The following TCTN2 variants were observed in gnomAD, a reference collection of about 807,000 sequenced individuals.
TCTN2 encodes tectonic-2.
Under a neutral mutation model 83.4 loss-of-function variants are expected in TCTN2, and 66 were observed. The observed-to-expected ratio is 0.79, with a 90% CI of 0.65 to 0.97. The LOEUF is 0.97. Among genes scored for constraint, TCTN2 ranks in the 50% least tolerant of loss-of-function variants. The pLI is 0.00. For missense variants in TCTN2, 794 were observed against 858.1 expected (o/e 0.93, Z 0.93); for synonymous variants, 301 against 326.7 (o/e 0.92, Z 0.85).
intron 10 of TCTN2, 91 bp downstream of exon 10, chr12:123,695,067 T>C (rs1473682852): frequency 6.5e-7 from 1 of 1,543,954 alleles, no homozygotes. Flanking sequence ...CCCATAAAAC[T>C]AAGTTGGACT....
rs752424820 is a variant in TCTN2, at chr12:123,671,538, C to T, written c.114C>T (p.Gly38=). Residue 38 remains glycine (G), a synonymous_variant, in exon 2 of 18, where the codon GGC becomes GGT. Coordinates refer to ENST00000303372, the MANE Select transcript of TCTN2 (RefSeq NM_024809.5). ...TCCCTCCTTTTATCCGAATGTCCGG[C>T]CCTGCGGTCAGCGCGTCCCTGGTCG... is the stretch of plus-strand genomic sequence containing the variant. ...AFIPPFIRMS[G]PAVSASLVGD... 16 of 1,614,028 alleles carry T rather than the reference C, an allele frequency of 9.9e-6. No homozygotes were observed. Among genetic ancestry groups the T allele is most frequent in the South Asian group, 9.9e-5 (9 of 91,084 alleles).
intron 14 of TCTN2, among the ~76,000 whole-genome samples, chr12:123,700,476 A>T (rs572512301): frequency 2.0e-5 from 3 of 152,288 alleles, no homozygotes; most frequent in South Asian, 4.1e-4. Context: ...CTTGTCACCC[A>T]TGCTGGAGTG....
intron 5 of TCTN2, among the ~76,000 whole-genome samples, chr12:123,682,879 T>C (rs1241299796): frequency 7.7e-6 from 1 of 130,198 alleles, no homozygotes; most frequent in Non-Finnish European, 1.7e-5. Context: ...TTGCTTGTAT[T>C]TCTGGTGTCA....
At chr12:123,693,877 G>T (rs564413388) in intron 9 of TCTN2, among the ~76,000 whole-genome samples, 2 of 151,716 alleles carry the variant, frequency 1.3e-5, no homozygotes, top group African/African-American at 4.8e-5. Flanking sequence ...GAGTGCAATA[G>T]GGTGATCTCA....
At position 123,690,616 on chromosome 12, in the gene TCTN2, A is replaced by G; in HGVS notation, c.975A>G (p.Glu325=). ...ATGTTAAATGCGTTACTAATTTGGA[A>G]CTATACCAAGAACGAGATGGTATTA... ...NFDVKCVTNL[E]LYQERDGIIN... The change falls in exon 8 of 18, where the codon GAA becomes GAG. Residue 325 remains glutamate, a synonymous_variant. Transcript: ENST00000303372. The G allele has an allele frequency of 6.2e-7, 1 of 1,614,218 alleles. No individual in the cohort carries two copies. Among genetic ancestry groups the G allele is most frequent in the Non-Finnish European group, 8.5e-7 (1 of 1,180,042 alleles).
intron 14 of TCTN2, chr12:123,700,105 A>G: frequency 2.1e-6 from 1 of 469,970 alleles, no homozygotes; most frequent in Admixed American, 3.3e-5. Context: ...TCATCCTCCC[A>G]GGCTCAAGGG....
chr12:123,695,286 C>T lies in TCTN2; in HGVS notation c.1301C>T (p.Ser434Phe). 2 of 1,578,044 alleles carry T rather than the reference C, an allele frequency of 1.3e-6. No homozygotes were observed. Among genetic ancestry groups the T allele is most frequent in the Non-Finnish European group, 1.7e-6 (2 of 1,147,464 alleles). Reference protein sequence around the residue: ...SYNSGNEEELSGNPGYQLGKP... With the variant: ...SYNSGNEEELFGNPGYQLGKP... ...AATAGTGGTAATGAAGAAGAATTAT[C>T]TGGAAATCCAGGTAAGATGAGTATA... The change falls in exon 11 of 18, where the codon TCT becomes TTT. Residue 434 changes from serine (S) to phenylalanine (F), a missense_variant. By Grantham distance (155) the Ser-to-Phe change is radical. Transcript: ENST00000303372.
intron 13 of TCTN2, among the ~76,000 whole-genome samples, chr12:123,699,354 C>T (rs1259725469): frequency 6.6e-6 from 1 of 151,702 alleles, no homozygotes; most frequent in Non-Finnish European, 1.5e-5. Flanking sequence ...AGGGTTTTGC[C>T]CTGTTGCCCA....
chr12:123,671,257 C>T lies in TCTN2; in HGVS notation c.17C>T (p.Pro6Leu), dbSNP rs1362649464. MGFQPPAALLLRLFLL... is the reference protein window; with the variant it reads MGFQPLAALLLRLFLL... The stretch of plus-strand genomic sequence containing the variant: ...GTCTAAGGCATGGGCTTCCAGCCTC[C>T]GGCCGCTCTTCTTTTGAGGCTTTTC... Residue 6 changes from proline to leucine, a missense_variant, in exon 1 of 18, where the codon CCG becomes CTG. Transcript: ENST00000303372. 4.3e-6 allele frequency: 7 copies of T among 1,613,268 alleles called. No homozygotes were observed. Among genetic ancestry groups the T allele is most frequent in the Non-Finnish European group, 5.9e-6 (7 of 1,179,880 alleles).
chr12:123,686,207 C>A (rs919533739), intron 5 of TCTN2, among the ~76,000 whole-genome samples: 9 of 151,788 alleles, frequency 5.9e-5, no homozygotes, highest in Admixed American at 5.9e-4. Context: ...CCACCACACC[C>A]GGCTAATTTT....
intron 10 of TCTN2, 42 bp downstream of exon 10, chr12:123,695,018 T>C (rs758483062): frequency 1.2e-6 from 2 of 1,608,270 alleles, no homozygotes; most frequent in Non-Finnish European, 1.7e-6. Flanking sequence ...CACTGAAAAG[T>C]ATTTTTTTTT....
At position 123,671,502 on chromosome 12, in the gene TCTN2, C is replaced by T; in HGVS notation, c.83-5C>T. The T allele has an allele frequency of 1.2e-6, 2 of 1,614,060 alleles. No homozygotes were observed. The highest frequency in any genetic ancestry group is 1.7e-6 in the Non-Finnish European group (2 of 1,179,918). On this transcript the variant is annotated splice_polypyrimidine_tract_variant and splice_region_variant and intron_variant, in intron 1 of 17. Transcript: ENST00000303372. Reference sequence around the variant, plus strand: ...CCCTCCTTGTCCCCTTTCCTTCCCGCCTAGCTTTCATCCCTCCTTTTATCC... The same window carrying T: ...CCCTCCTTGTCCCCTTTCCTTCCCGTCTAGCTTTCATCCCTCCTTTTATCC...
intron 5 of TCTN2, among the ~76,000 whole-genome samples, chr12:123,681,273 A>G (rs1955896689): frequency 6.6e-6 from 1 of 152,014 alleles, no homozygotes; most frequent in Non-Finnish European, 1.5e-5. Context: ...AAAGAAAGAA[A>G]GAAAGAAATC....
chr12:123,685,465 C>T (rs1439185760), intron 5 of TCTN2, among the ~76,000 whole-genome samples: 4 of 152,168 alleles, frequency 2.6e-5, no homozygotes, highest in Non-Finnish European at 5.9e-5. Flanking sequence ...GTCACCCAGG[C>T]TGGAGTGCAG....
Position 123,679,267 on chromosome 12 carries a change from A to C in TCTN2, c.542A>C (p.Asp181Ala). The C allele has an allele frequency of 6.2e-7, 1 of 1,613,908 alleles. No homozygotes were observed. The highest frequency in any genetic ancestry group is 8.5e-7 in the Non-Finnish European group (1 of 1,179,900). The change falls in exon 5 of 18, where the codon GAT becomes GCT. Residue 181 changes from aspartate to alanine, a missense_variant. Transcript: ENST00000303372. ...TGTAATTTAACAGCTGGAGCCTGTGATGTTCGCTGCTGCTGTGACCAGGTA... is the reference window on the plus strand; with the variant it reads ...TGTAATTTAACAGCTGGAGCCTGTGCTGTTCGCTGCTGCTGTGACCAGGTA... ...CPCNLTAGAC[D>A]VRCCCDQECS... is the part of the protein sequence containing the mutation.
At chr12:123,695,019 A>AT (rs764231491) in intron 10 of TCTN2, 43 bp downstream of exon 10, 250 of 1,595,194 alleles carry the variant, frequency 1.6e-4, no homozygotes, top group South Asian at 1.9e-4. Flanking sequence ...ACTGAAAAGT[A>AT]TTTTTTTTTC....
At chr12:123,676,302 C>T (rs568299984) in intron 4 of TCTN2, among the ~76,000 whole-genome samples, 3 of 152,064 alleles carry the variant, frequency 2.0e-5, no homozygotes, top group African/African-American at 7.2e-5. Context: ...GGCGCGGTGG[C>T]TCACGCCTGT....
intron 6 of TCTN2, 47 bp downstream of exon 6, chr12:123,687,082 C>T (rs772790404): frequency 1.2e-6 from 2 of 1,606,302 alleles, no homozygotes; most frequent in Non-Finnish European, 1.7e-6. Flanking sequence ...TTCTCCCGCC[C>T]TGGTGGGGCC....
At chr12:123,685,781 A>T (rs1955958087) in intron 5 of TCTN2, among the ~76,000 whole-genome samples, 1 of 138,634 alleles carries the variant, frequency 7.2e-6, no homozygotes, top group Non-Finnish European at 1.5e-5. Context: ...GCTGGACTTC[A>T]GTGGCCCAAT....
Sources: allele counts gnomAD v4.1 joint callset (sites outside exome capture counted in the v4.1 genomes callset), GRCh38; gene constraint gnomAD v4.1.1; transcripts MANE v1.5; gene names NCBI Gene and HGNC (gene_info 2026-07-23, HGNC 2026-07-21).